Variants in TMOD1 observed in about 807,000 individuals in gnomAD.
The protein encoded by TMOD1 is tropomodulin 1, also known as tropomodulin-1.
In TMOD1, 17 loss-of-function variants were observed where a neutral mutation model predicts 40.6. The ratio of observed to expected loss-of-function variants is 0.42; its 90% CI spans 0.29 to 0.63. TMOD1 has a LOEUF of 0.63. Among genes scored for constraint, TMOD1 ranks in the 20% least tolerant of loss-of-function variants. The probability of loss-of-function intolerance (pLI) is 0.22; values close to 1 mark genes in which losing one functional copy is unlikely to be tolerated. For synonymous variants in TMOD1, 181 were observed against 175.0 expected, an observed-to-expected ratio of 1.03 and a Z score of -0.27; for missense variants, 391 against 447.6, an observed-to-expected ratio of 0.87 and a Z score of 1.14.
chr9:97,539,733 G>A (rs866500306), intron 2 of TMOD1, among the ~76,000 whole-genome samples: 13 of 152,138 alleles, frequency 8.5e-5, no homozygotes, highest in Admixed American at 7.9e-4. Flanking sequence ...TTGGGAGGCC[G>A]AGGCGGGCGG....
intron 8 of TMOD1, among the ~76,000 whole-genome samples, chr9:97,572,266 G>C (rs762785248): frequency 3.7e-4 from 57 of 152,152 alleles, no homozygotes; most frequent in Non-Finnish European, 7.6e-4. Flanking sequence ...CAGGCTCACG[G>C]TACCCCCAGA....
intron 2 of TMOD1, among the ~76,000 whole-genome samples, chr9:97,532,336 T>A (rs1203494510): frequency 6.6e-6 from 1 of 152,114 alleles, no homozygotes; most frequent in Admixed American, 6.6e-5. Context: ...ACCCCTCCTC[T>A]GGCTGGGGAA....
intron 9 of TMOD1, among the ~76,000 whole-genome samples, chr9:97,598,665 C>G (rs1826170150): frequency 6.6e-6 from 1 of 152,186 alleles, no homozygotes; most frequent in South Asian, 2.1e-4. Context: ...TGGGCTGGCC[C>G]CACCTCCCTT....
intron 8 of TMOD1, among the ~76,000 whole-genome samples, chr9:97,577,002 C>T (rs980724217): frequency 1.3e-5 from 2 of 152,122 alleles, no homozygotes; most frequent in African/African-American, 4.8e-5. Flanking sequence ...GAGACTCTTT[C>T]CTTTTACTCA....
intron 8 of TMOD1, among the ~76,000 whole-genome samples, chr9:97,581,938 T>C (rs1257270011): frequency 2.7e-5 from 4 of 148,850 alleles, no homozygotes; most frequent in Non-Finnish European, 4.5e-5. Context: ...TTCTCCCATT[T>C]TGTAGGTTGC....
At chr9:97,501,252 G>C (rs1235785398), upstream of TMOD1, 1 of 152,160 alleles carries the variant, frequency 6.6e-6, no homozygotes, top group African/African-American at 2.4e-5. Context: ...CGGACGGAGC[G>C]GCGCTTCAAT....
intron 1 of TMOD1, among the ~76,000 whole-genome samples, chr9:97,509,251 A>G (rs1829653662): frequency 6.6e-6 from 1 of 152,200 alleles, no homozygotes; most frequent in Non-Finnish European, 1.5e-5. Flanking sequence ...AAATGGGGAT[A>G]ATAAAAGTAT....
chr9:97,575,391 C>T (rs1238207572), intron 8 of TMOD1, among the ~76,000 whole-genome samples: 1 of 152,220 alleles, frequency 6.6e-6, no homozygotes, highest in Non-Finnish European at 1.5e-5. Flanking sequence ...ATAACACTCA[C>T]CTCGAGGGTC....
intron 8 of TMOD1, among the ~76,000 whole-genome samples, chr9:97,589,445 T>C (rs1241317869): frequency 2.0e-5 from 3 of 150,380 alleles, no homozygotes; most frequent in Non-Finnish European, 4.4e-5. Flanking sequence ...CTACTTTTTG[T>C]ATTTTTTTTT....
intron 3 of TMOD1, among the ~76,000 whole-genome samples, chr9:97,547,664 A>G (rs1431127591): frequency 6.6e-6 from 1 of 152,216 alleles, no homozygotes; most frequent in African/African-American, 2.4e-5. Context: ...CTTCTCTTTC[A>G]GGGAAGCCAT....
In TMOD1 at chr9:97,599,638, G is replaced by A. The variant is rs767781360; in HGVS notation, c.1020G>A (p.Arg340=). 1 of 1,614,194 alleles carries A rather than the reference G, an allele frequency of 6.2e-7. No homozygotes were observed. The highest frequency in any genetic ancestry group is 1.1e-5 in the South Asian group (1 of 91,086). Residue 340 remains arginine (R), a synonymous_variant, in exon 10 of 10, where the codon AGG becomes AGA. Coordinates refer to ENST00000259365, the MANE Select transcript of TMOD1 (RefSeq NM_003275.4). The stretch of plus-strand genomic sequence containing the variant: ...CTTATCTCCATTCCTTTCCAGTGAG[G>A]AAGAGGAGGCTTGCGGACCTGACTG... ...NAMMNNNDLV[R]KRRLADLTGP... is the part of the protein sequence containing the mutation.
Position 97,565,961 on chromosome 9 carries a change from T to C in TMOD1, c.726+6T>C. ...GTAATGACCCCGTGGCGTATGTATG[T>C]ACCTTTCTGTTCTGTTGCATTGTGG... On this transcript the variant is annotated splice_donor_region_variant and intron_variant, in intron 7 of 9. Coordinates refer to ENST00000259365, the MANE Select transcript of TMOD1 (RefSeq NM_003275.4). 1 of 1,611,920 alleles carries C rather than the reference T, an allele frequency of 6.2e-7. No individual in the cohort carries two copies. Among genetic ancestry groups the C allele is most frequent in the Non-Finnish European group, 8.5e-7 (1 of 1,178,012 alleles).
intron 7 of TMOD1, among the ~76,000 whole-genome samples, chr9:97,567,534 A>T (rs924830285): frequency 6.6e-6 from 1 of 152,232 alleles, no homozygotes; most frequent in African/African-American, 2.4e-5. Flanking sequence ...GGACCTGCTC[A>T]GCCACCAGCA....
intron 2 of TMOD1, among the ~76,000 whole-genome samples, chr9:97,532,426 G>A (rs1214317684): frequency 6.6e-6 from 1 of 152,060 alleles, no homozygotes; most frequent in African/African-American, 2.4e-5. Flanking sequence ...AAGCCTTTTA[G>A]ACTCTTTCAC....
At chr9:97,592,438 A>G in intron 9 of TMOD1, among the ~76,000 whole-genome samples, 1 of 152,302 alleles carries the variant, frequency 6.6e-6, no homozygotes, top group Non-Finnish European at 1.5e-5. Context: ...TGAAAAAAAA[A>G]AAAGAAAAGC....
intron 2 of TMOD1, among the ~76,000 whole-genome samples, chr9:97,533,009 C>T (rs1038365560): frequency 6.6e-6 from 1 of 152,204 alleles, no homozygotes; most frequent in Admixed American, 6.5e-5. Flanking sequence ...CCAGCATTTT[C>T]AGCTCCACTA....
intron 8 of TMOD1, among the ~76,000 whole-genome samples, chr9:97,570,638 G>T (rs7045962): frequency 0.013 from 2,038 of 152,088 alleles, 34 homozygotes; most frequent in African/African-American, 0.045. Context: ...GGCTCCCCTA[G>T]CACCTTGGCT....
At chr9:97,522,468 A>C (rs1829933268) in intron 1 of TMOD1, among the ~76,000 whole-genome samples, 1 of 152,198 alleles carries the variant, frequency 6.6e-6, no homozygotes, top group Non-Finnish European at 1.5e-5. Context: ...CCGTATTTCC[A>C]GGTAAGGTCA....
intron 2 of TMOD1, among the ~76,000 whole-genome samples, chr9:97,526,318 G>C (rs1444137022): frequency 6.6e-6 from 1 of 152,200 alleles, no homozygotes; most frequent in Non-Finnish European, 1.5e-5. Flanking sequence ...ATTCATCCCT[G>C]CAGTCAGGGT....
Sources: allele counts gnomAD v4.1 joint callset (sites outside exome capture counted in the v4.1 genomes callset), GRCh38; gene constraint gnomAD v4.1.1; transcripts MANE v1.5; gene names NCBI Gene and HGNC (gene_info 2026-07-23, HGNC 2026-07-21).